The following PRKX variants were observed in gnomAD, a reference collection of about 807,000 sequenced individuals.
The protein encoded by PRKX is cAMP-dependent protein kinase catalytic subunit PRKX.
A neutral mutation model predicts 22.0 loss-of-function variants in PRKX; 12 were observed. That is an observed-to-expected ratio of 0.54 (90% CI 0.35 to 0.88). The LOEUF (loss-of-function observed/expected upper bound fraction) is 0.88, where lower values mean the gene tolerates loss of function less well. PRKX is among the 40% of genes least tolerant of loss of function. The pLI is 0.01. For missense variants in PRKX, 217 were observed against 308.0 expected, an observed-to-expected ratio of 0.70 and a Z score of 2.21; for synonymous variants, 134 against 137.7, an observed-to-expected ratio of 0.97 and a Z score of 0.19.
At chrX:3,710,811 G>A (rs1187420493) in intron 1 of PRKX, among the ~76,000 whole-genome samples, 2 of 111,699 alleles carry the variant, frequency 1.8e-5, no homozygotes, top group South Asian at 7.4e-4. Flanking sequence ...GAATGAGGGC[G>A]AAAGAGCACT....
At chrX:3,701,882 A>T (rs918240100) in intron 1 of PRKX, among the ~76,000 whole-genome samples, 8 of 111,760 alleles carry the variant, frequency 7.2e-5, no homozygotes, top group African/African-American at 2.6e-4. Flanking sequence ...AAGTTACCCT[A>T]TTTGGTCTAA....
intron 1 of PRKX, among the ~76,000 whole-genome samples, chrX:3,685,109 G>A (rs1928150593): frequency 9.0e-6 from 1 of 111,575 alleles, no homozygotes; most frequent in African/African-American, 3.3e-5. Context: ...GAGCCACAAC[G>A]CCTGGCCTAA....
At chrX:3,663,132 G>A (rs1050615637) in intron 2 of PRKX, among the ~76,000 whole-genome samples, 4 of 109,259 alleles carry the variant, frequency 3.7e-5, no homozygotes, top group East Asian at 2.9e-4. Context: ...GAGCCACTAC[G>A]CCCTGCCTAT....
chrX:3,665,602 A>G (rs902259979), intron 2 of PRKX, among the ~76,000 whole-genome samples: 2 of 111,709 alleles, frequency 1.8e-5, no homozygotes, highest in African/African-American at 6.5e-5. Flanking sequence ...AAGGCACCCC[A>G]GTGTCCAAGG....
intron 1 of PRKX, among the ~76,000 whole-genome samples, chrX:3,694,721 T>A (rs188991104): frequency 3.6e-5 from 4 of 111,860 alleles, no homozygotes; most frequent in African/African-American, 1.3e-4. Context: ...GATCTTGAGA[T>A]GAGATCGCGC....
In PRKX at chrX:3,615,975, T is replaced by C. The variant is rs1555968917; in HGVS notation, c.874-83A>G. 16 of 857,928 alleles carry C rather than the reference T, an allele frequency of 1.9e-5. No homozygotes were observed. The South Asian group carries it at 3.2e-4, about 17-fold the overall frequency. 70.7% of individuals were successfully genotyped at this position (857,928 alleles called of 1,213,427 possible). A position where few individuals can be genotyped will look rare whatever the true frequency, so the allele number is the denominator to read the frequency against. ...AAAATACCCCAAAGAATCTCTACAT[T>C]ATTTTAGTATTGAAACAAACAGACC... is the stretch of plus-strand genomic sequence containing the variant. On this transcript the variant is annotated intron_variant, in intron 6 of 8. Transcript: ENST00000262848.
At chrX:3,611,942 G>A (rs1291577423) in intron 8 of PRKX, among the ~76,000 whole-genome samples, 2 of 111,160 alleles carry the variant, frequency 1.8e-5, no homozygotes, top group Admixed American at 9.7e-5. Context: ...AGGTTCTGAT[G>A]CAGAACATGG....
chrX:3,706,360 ATT>A (rs1009055416), intron 1 of PRKX, among the ~76,000 whole-genome samples: 6 of 109,198 alleles, frequency 5.5e-5, no homozygotes, highest in African/African-American at 2.0e-4. Flanking sequence ...ACTTAAAAAA[ATT>A]TTTTTTTGTA....
At chrX:3,700,322 A>G (rs892654542) in intron 1 of PRKX, among the ~76,000 whole-genome samples, 29 of 112,369 alleles carry the variant, frequency 2.6e-4, no homozygotes, top group East Asian at 1.1e-3. Flanking sequence ...ACAGGAAGTT[A>G]ACGGAGAAAC....
intron 1 of PRKX, among the ~76,000 whole-genome samples, chrX:3,684,885 C>T (rs7060737): frequency 0.14 from 15,736 of 111,580 alleles, 1,272 homozygotes; most frequent in African/African-American, 0.31. Flanking sequence ...GGCACGATCA[C>T]AGCTCACTGC....
intron 4 of PRKX, among the ~76,000 whole-genome samples, chrX:3,636,643 T>C (rs1926892555): frequency 8.9e-6 from 1 of 112,348 alleles, no homozygotes; most frequent in African/African-American, 3.2e-5. Flanking sequence ...GTGGATCACT[T>C]GAGGTCAGGA....
intron 6 of PRKX, among the ~76,000 whole-genome samples, chrX:3,618,384 A>T (rs185513116): frequency 9.0e-6 from 1 of 111,501 alleles, no homozygotes; most frequent in Admixed American, 9.6e-5. Context: ...TTGTGAGGCC[A>T]AGGTGGGCGG....
At chrX:3,711,903 A>G (rs772449935) in intron 1 of PRKX, among the ~76,000 whole-genome samples, 1 of 110,595 alleles carries the variant, frequency 9.0e-6, no homozygotes, top group South Asian at 4.0e-4. Context: ...AATGAGATAA[A>G]GAGGAGGAGG....
Position 3,655,332 on chromosome X carries a change from C to T in PRKX, c.416G>A (p.Arg139His), listed in dbSNP as rs145956134. The T allele has an allele frequency of 4.1e-6, 5 of 1,210,632 alleles. No individual in the cohort carries two copies. The highest frequency in any genetic ancestry group is 1.8e-5 in the South Asian group (1 of 56,871). The change falls in exon 3 of 9, where the codon CGC becomes CAC. Residue 139 changes from arginine to histidine, a missense_variant. Physicochemically the swap from Arg to His is conservative, Grantham distance 29. Transcript: ENST00000262848. The stretch of plus-strand genomic sequence containing the variant: ...GGTGCTGGAGAAGCGCCCCCGGTTG[C>T]GCAGGTAGCTGAAGAGCTCGCCGCC... ...VPGGELFSYL[R>H]NRGRFSSTTG...
chrX:3,696,085 G>A lies in PRKX; in HGVS notation c.166+17003C>T, dbSNP rs149145432. Among the ~76,000 whole-genome samples, 348 of 110,876 alleles carry A rather than the reference G, an allele frequency of 3.1e-3. 1 individual carries two copies. The highest frequency in any genetic ancestry group is 0.011 in the African/African-American group (330 of 30,531). ...GGTGGGGCCTTTGGGAGGTGTTGAG[G>A]TCATGAGGGTGGAGCCTCATGAATG... On this transcript the variant is annotated intron_variant, in intron 1 of 8. Transcript: ENST00000262848.
chrX:3,693,119 G>T (rs536052034), intron 1 of PRKX, among the ~76,000 whole-genome samples: 10 of 110,273 alleles, frequency 9.1e-5, no homozygotes, highest in African/African-American at 3.0e-4. Context: ...ATTTAGTTTT[G>T]TTTAGTTCCA....
At chrX:3,617,277 T>C (rs1433911363) in intron 6 of PRKX, among the ~76,000 whole-genome samples, 1 of 110,660 alleles carries the variant, frequency 9.0e-6, no homozygotes, top group Non-Finnish European at 1.9e-5. Context: ...ACACTTTATA[T>C]GTAGAGTACA....
chrX:3,713,010 A>G (rs1256107551), intron 1 of PRKX, 78 bp downstream of exon 1: 15 of 1,060,557 alleles, frequency 1.4e-5, no homozygotes, highest in Non-Finnish European at 1.8e-5. Flanking sequence ...GTCGGCACCC[A>G]GGGCCCTTTG....
chrX:3,683,404 C>T (rs954719359), intron 1 of PRKX, among the ~76,000 whole-genome samples: 15 of 111,110 alleles, frequency 1.4e-4, no homozygotes, highest in Non-Finnish European at 2.6e-4. Context: ...AGCTACTAAT[C>T]CCTATTCCTA....
Sources: allele counts gnomAD v4.1 joint callset (sites outside exome capture counted in the v4.1 genomes callset), GRCh38; gene constraint gnomAD v4.1.1; transcripts MANE v1.5; gene names NCBI Gene and HGNC (gene_info 2026-07-23, HGNC 2026-07-21).